The following MYO6 variants were observed in gnomAD, a reference collection of about 807,000 sequenced individuals.
MYO6 encodes myosin VI, also known as unconventional myosin-VI.
In MYO6, 74 loss-of-function variants were observed where a neutral mutation model predicts 178.7. The ratio of observed to expected loss-of-function variants is 0.41; its 90% CI spans 0.34 to 0.50. MYO6 has a LOEUF of 0.50. Ranked by LOEUF, MYO6 falls within the 20% of genes least tolerant of loss-of-function variation. The pLI is 0.09. For missense variants in MYO6, 1,330 were observed against 1,547.4 expected (o/e 0.86, Z 2.36); for synonymous variants, 477 against 504.6 (o/e 0.95, Z 0.73).
chr6:75,817,425 T>C, intron 1 of MYO6, 76 bp from the exon 2 acceptor site: 1 of 845,736 alleles, frequency 1.2e-6, no homozygotes, highest in South Asian at 1.4e-5. Flanking sequence ...ATGTGAACTT[T>C]TGAAAAAGAT....
chr6:75,805,021 A>ATATATATATATATATT (rs1252912172), intron 1 of MYO6, among the ~76,000 whole-genome samples: 25 of 77,288 alleles, frequency 3.2e-4, no homozygotes, highest in African/African-American at 1.7e-3. Flanking sequence ...ATATATATAT[A>ATATATATATATATATT]TTTTTTTTTT....
chr6:75,769,065 G>GC (rs1247426906), intron 1 of MYO6, among the ~76,000 whole-genome samples: 1 of 152,150 alleles, frequency 6.6e-6, no homozygotes, highest in Non-Finnish European at 1.5e-5. Context: ...CTCAGAGCGA[G>GC]CACTCACTCA....
intron 25 of MYO6, among the ~76,000 whole-genome samples, chr6:75,888,624 G>A (rs1778655689): frequency 6.6e-6 from 1 of 151,040 alleles, no homozygotes; most frequent in African/African-American, 2.4e-5. Flanking sequence ...AAAAAAAATT[G>A]GAGAAACCAC....
At chr6:75,801,621 T>C (rs934119335) in intron 1 of MYO6, among the ~76,000 whole-genome samples, 1 of 152,094 alleles carries the variant, frequency 6.6e-6, no homozygotes, top group African/African-American at 2.4e-5. Flanking sequence ...GAGTTGAAAG[T>C]TAAAGTGGCC....
chr6:75,804,904 A>G (rs948977028), intron 1 of MYO6, among the ~76,000 whole-genome samples: 1 of 148,648 alleles, frequency 6.7e-6, no homozygotes, highest in East Asian at 2.0e-4. Context: ...ATATATACAT[A>G]TATACACACA....
intron 1 of MYO6, among the ~76,000 whole-genome samples, chr6:75,812,309 A>AT (rs552263473): frequency 1.3e-5 from 2 of 151,962 alleles, no homozygotes; most frequent in African/African-American, 2.4e-5. Flanking sequence ...TAAAAATTAA[A>AT]TTTTTTTTGT....
At chr6:75,811,122 G>A (rs1770662696) in intron 1 of MYO6, among the ~76,000 whole-genome samples, 1 of 152,022 alleles carries the variant, frequency 6.6e-6, no homozygotes, top group African/African-American at 2.4e-5. Flanking sequence ...GGTGGGGATT[G>A]GGGTAGGGGG....
intron 1 of MYO6, among the ~76,000 whole-genome samples, chr6:75,761,646 T>A (rs1777963737): frequency 1.3e-5 from 2 of 151,348 alleles, no homozygotes; most frequent in African/African-American, 4.9e-5. Context: ...TTTTTTTTCC[T>A]TTTTGCCAGA....
chr6:75,818,878 A>AT (rs1771568588), intron 2 of MYO6, among the ~76,000 whole-genome samples: 1 of 152,132 alleles, frequency 6.6e-6, no homozygotes, highest in African/African-American at 2.4e-5. Context: ...TAAAAAAAAA[A>AT]GCTCAGTTAC....
rs1472292087 is a variant in MYO6, at chr6:75,916,083, T to C, written c.*1071T>C. 1 of 152,290 alleles carries C rather than the reference T, an allele frequency of 6.6e-6. No individual in the cohort carries two copies. The highest frequency in any genetic ancestry group is 1.5e-5 in the Non-Finnish European group (1 of 68,034). 9.4% of individuals were successfully genotyped at this position (152,290 alleles called of 1,614,324 possible). ...ATTTTAAAATGTTTTCTTTGTGTGC[T>C]GTTAGTATTGATTCAAATGTCAGCA... On this transcript the variant is annotated 3_prime_UTR_variant, in exon 35 of 35. Coordinates refer to ENST00000369977, the MANE Select transcript of MYO6 (RefSeq NM_004999.4).
At chr6:75,810,317 A>G (rs1440701399) in intron 1 of MYO6, among the ~76,000 whole-genome samples, 1 of 152,190 alleles carries the variant, frequency 6.6e-6, no homozygotes, top group Admixed American at 6.5e-5. Context: ...TTGCAGGGCC[A>G]TTTCAAAATA....
At chr6:75,759,886 C>A (rs894672946) in intron 1 of MYO6, among the ~76,000 whole-genome samples, 1 of 152,156 alleles carries the variant, frequency 6.6e-6, no homozygotes, top group African/African-American at 2.4e-5. Context: ...TAACACAAAG[C>A]ACTTTTGTTA....
At chr6:75,838,841 T>C (rs1773917403) in intron 7 of MYO6, among the ~76,000 whole-genome samples, 1 of 151,868 alleles carries the variant, frequency 6.6e-6, no homozygotes, top group Non-Finnish European at 1.5e-5. Context: ...TTTGTATTTT[T>C]AGTAGAGACG....
intron 1 of MYO6, among the ~76,000 whole-genome samples, chr6:75,799,628 T>A (rs1769236368): frequency 6.6e-6 from 1 of 152,158 alleles, no homozygotes; most frequent in South Asian, 2.1e-4. Flanking sequence ...TCCCTTTGAA[T>A]TTACTTACTA....
At chr6:75,802,990 G>A (rs866106266) in intron 1 of MYO6, among the ~76,000 whole-genome samples, 5 of 152,060 alleles carry the variant, frequency 3.3e-5, no homozygotes, top group South Asian at 4.2e-4. Flanking sequence ...AAAAATACAG[G>A]GCTTTTTCTG....
rs201587388 is a variant in MYO6 at position 75,789,224 on chromosome 6, AT to A, written c.-47-28276del. Among the ~76,000 whole-genome samples the A allele has an allele frequency of 0.013, 2,001 of 152,282 alleles. 75 individuals carry two copies. In the East Asian group the frequency reaches 0.15, roughly 11 times the overall value. On this transcript the variant is annotated intron_variant, in intron 1 of 34. Transcript: ENST00000369977. ...TTCTAAGGTACACAATTAATATTTTATATACTGCTAAGAAAGAAAAAAGTCA... is the reference window on the plus strand; with the variant it reads ...TTCTAAGGTACACAATTAATATTTTAATACTGCTAAGAAAGAAAAAAGTCA...
rs111480295 is a variant in MYO6 at position 75,840,998 on chromosome 6, G to T, written c.652-216G>T. On this transcript the variant is annotated intron_variant, in intron 8 of 34. Coordinates refer to ENST00000369977, the MANE Select transcript of MYO6 (RefSeq NM_004999.4). ...AGGCTCAAAACTTAACAGGATTTGG[G>T]TAGAGACTTAAATGGGGATGTTTAA... is the stretch of plus-strand genomic sequence containing the variant. 3.5e-3 allele frequency among the ~76,000 whole-genome samples: 532 copies of T among 152,248 alleles called. 7 individuals carry two copies. Among genetic ancestry groups the T allele is most frequent in the African/African-American group, 0.012 (507 of 41,542 alleles).
chr6:75,762,516 T>G (rs1203656403), intron 1 of MYO6, among the ~76,000 whole-genome samples: 1 of 152,184 alleles, frequency 6.6e-6, no homozygotes, highest in African/African-American at 2.4e-5. Context: ...CTCAGAGCTT[T>G]GAAAATCAAA....
intron 10 of MYO6, among the ~76,000 whole-genome samples, chr6:75,846,532 A>G (rs986275487): frequency 8.5e-5 from 13 of 152,212 alleles, no homozygotes; most frequent in African/African-American, 3.1e-4. Flanking sequence ...ATCATTATAG[A>G]TACAGAATCT....
Sources: allele counts gnomAD v4.1 joint callset (sites outside exome capture counted in the v4.1 genomes callset), GRCh38; gene constraint gnomAD v4.1.1; transcripts MANE v1.5; gene names NCBI Gene and HGNC (gene_info 2026-07-23, HGNC 2026-07-21).